The following CDK8 variants were observed in gnomAD, a reference collection of about 807,000 sequenced individuals.
CDK8 encodes the protein cyclin-dependent kinase 8.
CDK8 carries 29 observed loss-of-function variants against 71.5 expected under a neutral mutation model. The ratio of observed to expected loss-of-function variants is 0.41; its 90% CI spans 0.30 to 0.55. The LOEUF is 0.55. Ranked by LOEUF, CDK8 falls within the 20% of genes least tolerant of loss-of-function variation. The pLI, the probability that CDK8 is intolerant of heterozygous loss-of-function variation, is 0.37. For synonymous variants in CDK8, 161 were observed against 192.1 expected (o/e 0.84, Z 1.34); for missense variants, 288 against 572.6 (o/e 0.50, Z 5.07).
At chr13:26,334,992 A>G (rs779495391) in intron 1 of CDK8, among the ~76,000 whole-genome samples, 10 of 152,180 alleles carry the variant, frequency 6.6e-5, no homozygotes, top group Non-Finnish European at 1.5e-4. Flanking sequence ...CCAGAGAGCA[A>G]AGACCCTGAA....
chr13:26,302,616 G>C (rs2137918323), intron 1 of CDK8, among the ~76,000 whole-genome samples: 1 of 152,216 alleles, frequency 6.6e-6, no homozygotes, highest in African/African-American at 2.4e-5. Context: ...CTTTTAGAAA[G>C]GTCCCTCTGG....
At chr13:26,289,528 A>C (rs1040536303) in intron 1 of CDK8, among the ~76,000 whole-genome samples, 1 of 151,978 alleles carries the variant, frequency 6.6e-6, no homozygotes, top group African/African-American at 2.4e-5. Context: ...CATAGATCTT[A>C]TATCTAGCCA....
chr13:26,269,395 C>T (rs17083577), intron 1 of CDK8, among the ~76,000 whole-genome samples: 9,793 of 152,178 alleles, frequency 0.064, 1,028 homozygotes, highest in African/African-American at 0.22. Flanking sequence ...AGCTGAAAGT[C>T]GATATTGTCA....
At chr13:26,368,247 A>C (rs141272244) in intron 4 of CDK8, among the ~76,000 whole-genome samples, 9 of 152,272 alleles carry the variant, frequency 5.9e-5, no homozygotes, top group African/African-American at 2.2e-4. Context: ...GGCCACTTGG[A>C]TTACTGCAGA....
chr13:26,349,164 T>A lies in CDK8; in HGVS notation c.297T>A (p.Tyr99Ter). The A allele has an allele frequency of 6.2e-7, 1 of 1,602,338 alleles. No homozygotes were observed. Among genetic ancestry groups the A allele is most frequent in the Non-Finnish European group, 8.5e-7 (1 of 1,169,872 alleles). ...ADRKVWLLFD[Y>*]AEHDLWHIIK... ...GGAAGGTGTGGCTTCTGTTTGACTA[T>A]GCTGAACATGACCTCTGGGTAAGGT... The change falls in exon 3 of 13, where the codon TAT becomes TAA. Residue 99 changes from tyrosine (Y) to a stop codon, truncating the protein, a stop_gained. Transcript: ENST00000381527. LOFTEE classifies it high-confidence loss of function.
intron 1 of CDK8, among the ~76,000 whole-genome samples, chr13:26,326,308 G>A (rs1286389129): frequency 6.6e-6 from 1 of 152,118 alleles, no homozygotes; most frequent in African/African-American, 2.4e-5. Flanking sequence ...CGAGCAAATT[G>A]TACCCTGACA....
intron 5 of CDK8, among the ~76,000 whole-genome samples, chr13:26,384,925 G>GT (rs901719199): frequency 6.6e-6 from 1 of 152,178 alleles, no homozygotes; most frequent in African/African-American, 2.4e-5. Context: ...TAACGGTGGG[G>GT]TGACACATGG....
At chr13:26,375,197 T>G (rs1239199195) in intron 4 of CDK8, among the ~76,000 whole-genome samples, 2 of 152,204 alleles carry the variant, frequency 1.3e-5, no homozygotes, top group East Asian at 3.8e-4. Flanking sequence ...TCCAGAACGT[T>G]TAAAGTGATC....
intron 1 of CDK8, among the ~76,000 whole-genome samples, chr13:26,311,467 C>G (rs570422678): frequency 6.6e-6 from 1 of 152,294 alleles, no homozygotes; most frequent in African/African-American, 2.4e-5. Flanking sequence ...ATTCTAATAT[C>G]TCACAAAACC....
chr13:26,343,036 C>T (rs763633732), intron 2 of CDK8, among the ~76,000 whole-genome samples: 7 of 152,094 alleles, frequency 4.6e-5, no homozygotes, highest in South Asian at 2.1e-4. Context: ...CTTGGGAGGA[C>T]GCCAGCCAGA....
At position 26,267,486 on chromosome 13, in the gene CDK8, G is replaced by A. The variant is rs78625441; in HGVS notation, c.128+12717G>A. Among the ~76,000 whole-genome samples the A allele has an allele frequency of 6.8e-3, 1,041 of 152,236 alleles. 7 individuals are homozygous for A. The highest frequency in any genetic ancestry group is 0.01 in the African/African-American group (425 of 41,544). On this transcript the variant is annotated intron_variant, in intron 1 of 12. Coordinates refer to ENST00000381527, the MANE Select transcript of CDK8 (RefSeq NM_001260.3). ...ATTACCAGTGGCTCCTTGTGTATCT[G>A]CATATAGAAGCAAATATATGTATGG...
chr13:26,312,255 G>T (rs1233267524), intron 1 of CDK8, among the ~76,000 whole-genome samples: 3 of 152,150 alleles, frequency 2.0e-5, no homozygotes, highest in Non-Finnish European at 4.4e-5. Flanking sequence ...TGTGGGTGGG[G>T]ACAAATAAGT....
At chr13:26,268,233 A>G (rs1198234131) in intron 1 of CDK8, among the ~76,000 whole-genome samples, 1 of 145,194 alleles carries the variant, frequency 6.9e-6, no homozygotes, top group Non-Finnish European at 1.5e-5. Flanking sequence ...TTTTTTTTTG[A>G]AAGTTTTGCT....
At chr13:26,392,105 T>TACTTAGTTTAGGATTTGTTA (rs1875771998) in intron 6 of CDK8, among the ~76,000 whole-genome samples, 1 of 152,208 alleles carries the variant, frequency 6.6e-6, no homozygotes, top group South Asian at 2.1e-4. Context: ...CACACCATTG[T>TACTTAGTTTAGGATTTGTTA]ACTTAGTTTA....
chr13:26,405,093 A>G lies in CDK8; in HGVS notation c.*1012A>G, dbSNP rs1876448534. ...GGAGAAGGAGTAGGAGAGCCTTAGA[A>G]TTTTTGAGGAAAAAAAAACCTATAA... is the stretch of plus-strand genomic sequence containing the variant. On this transcript the variant is annotated 3_prime_UTR_variant, in exon 13 of 13. Transcript: ENST00000381527. 1 of 181,104 alleles carries G rather than the reference A, an allele frequency of 5.5e-6. No individual in the cohort carries two copies. Among genetic ancestry groups the G allele is most frequent in the Non-Finnish European group, 1.2e-5 (1 of 84,918 alleles). 11.2% of individuals were successfully genotyped at this position (181,104 alleles called of 1,614,324 possible). A position where few individuals can be genotyped will look rare whatever the true frequency, so the allele number is the denominator to read the frequency against.
At chr13:26,271,468 AC>A (rs1872316753) in intron 1 of CDK8, among the ~76,000 whole-genome samples, 2 of 152,158 alleles carry the variant, frequency 1.3e-5, no homozygotes, top group African/African-American at 4.8e-5. Context: ...GTGTATCTAA[AC>A]ACATTTTAAT....
At chr13:26,321,730 T>C (rs1874784291) in intron 1 of CDK8, among the ~76,000 whole-genome samples, 1 of 152,118 alleles carries the variant, frequency 6.6e-6, no homozygotes, top group African/African-American at 2.4e-5. Flanking sequence ...CTCATCTTCC[T>C]CTTTTCTCTT....
At chr13:26,358,984 GC>G in intron 4 of CDK8, 1 of 269,622 alleles carries the variant, frequency 3.7e-6, no homozygotes, top group Non-Finnish European at 7.5e-6. Context: ...CTGTGATTGT[GC>G]CACTGCACTT....
chr13:26,346,172 CCT>C (rs1491216044), intron 2 of CDK8, among the ~76,000 whole-genome samples: 2 of 152,102 alleles, frequency 1.3e-5, no homozygotes, highest in Non-Finnish European at 2.9e-5. Flanking sequence ...CCCTTAAACC[CCT>C]GTTTTCTCGT....
Sources: gnomAD v4.1 joint callset for allele counts (sites outside exome capture counted in the v4.1 genomes callset) on GRCh38, gnomAD v4.1.1 for gene constraint, MANE v1.5 for transcripts, NCBI Gene and HGNC (gene_info 2026-07-23, HGNC 2026-07-21) for gene names.